RNPC3: variants seen among roughly 807,000 people sequenced by gnomAD.
RNPC3 encodes the protein RNA-binding region-containing protein 3.
RNPC3 carries 48 observed loss-of-function variants against 67.5 expected under a neutral mutation model. That is an observed-to-expected ratio of 0.71 (90% CI 0.56 to 0.90). The LOEUF (loss-of-function observed/expected upper bound fraction) is 0.90. Ranked by LOEUF, RNPC3 falls within the 40% of genes least tolerant of loss-of-function variation. RNPC3 has a pLI of 0.00. For missense variants in RNPC3, 637 were observed against 626.1 expected (o/e 1.02, Z -0.19); for synonymous variants, 239 against 210.3 (o/e 1.14, Z -1.18).
At chr1:103,532,441 T>C (rs190810050) in intron 2 of RNPC3, among the ~76,000 whole-genome samples, 6 of 152,232 alleles carry the variant, frequency 3.9e-5, no homozygotes, top group Admixed American at 3.9e-4. Flanking sequence ...GTTAGATATC[T>C]ATGGGGCGCT....
chr1:103,528,860 A>G (rs1471417239), intron 2 of RNPC3, among the ~76,000 whole-genome samples: 1 of 152,198 alleles, frequency 6.6e-6, no homozygotes, highest in African/African-American at 2.4e-5. Flanking sequence ...TTTTAAGAAG[A>G]TGAAATCCTG....
At chr1:103,542,892 G>T (rs954194442) in intron 8 of RNPC3, among the ~76,000 whole-genome samples, 1 of 151,528 alleles carries the variant, frequency 6.6e-6, no homozygotes, top group African/African-American at 2.4e-5. Flanking sequence ...TGGTTTTAAT[G>T]TGACTATTGA....
intron 12 of RNPC3, among the ~76,000 whole-genome samples, chr1:103,547,833 G>A (rs1401028771): frequency 6.6e-6 from 1 of 152,142 alleles, no homozygotes; most frequent in Non-Finnish European, 1.5e-5. Flanking sequence ...GAGGTTAAAT[G>A]GAAAACTCAC....
At chr1:103,547,597 C>G (rs1651278590) in intron 12 of RNPC3, among the ~76,000 whole-genome samples, 1 of 152,188 alleles carries the variant, frequency 6.6e-6, no homozygotes, top group African/African-American at 2.4e-5. Context: ...GAAAACCATT[C>G]TTTCAATGCA....
intron 9 of RNPC3, among the ~76,000 whole-genome samples, chr1:103,544,074 T>A (rs1013842966): frequency 1.3e-5 from 2 of 151,736 alleles, no homozygotes; most frequent in Non-Finnish European, 3.0e-5. Flanking sequence ...AGTAAAATTG[T>A]TAAAAAGTTA....
chr1:103,533,254 G>A (rs1407863892), intron 2 of RNPC3, among the ~76,000 whole-genome samples: 1 of 152,020 alleles, frequency 6.6e-6, no homozygotes, highest in South Asian at 2.1e-4. Flanking sequence ...CATCAATTCT[G>A]TTGTCTCAAA....
intron 3 of RNPC3, among the ~76,000 whole-genome samples, chr1:103,534,123 G>T (rs918589163): frequency 6.6e-6 from 1 of 151,968 alleles, no homozygotes; most frequent in Admixed American, 6.6e-5. Flanking sequence ...AACTTTCAAT[G>T]GAGGGAAAAT....
chr1:103,529,268 GA>G (rs981637961), intron 2 of RNPC3, among the ~76,000 whole-genome samples: 1 of 151,538 alleles, frequency 6.6e-6, no homozygotes, highest in Non-Finnish European at 1.5e-5. Context: ...TTTTTTTTCA[GA>G]AAAAAAGTAT....
intron 12 of RNPC3, among the ~76,000 whole-genome samples, chr1:103,549,733 C>G (rs1462730586): frequency 1.3e-5 from 2 of 152,142 alleles, no homozygotes; most frequent in Non-Finnish European, 2.9e-5. Context: ...GTTTGTGTTT[C>G]TGACTTTAGA....
chr1:103,545,221 C>G lies in RNPC3; in HGVS notation c.1207+119C>G, dbSNP rs1651215283. 4.6e-5 allele frequency: 34 copies of G among 739,394 alleles called. 2 individuals carry two copies. The South Asian group carries it at 6.5e-4, about 14-fold the overall frequency. 45.8% of individuals were successfully genotyped at this position (739,394 alleles called of 1,614,324 possible). Reference sequence around the variant, plus strand: ...TTAAGGCACATACTTTAAAACATCTCTCCAATTAATGTTTGTAATCACTTC... The same window carrying G: ...TTAAGGCACATACTTTAAAACATCTGTCCAATTAATGTTTGTAATCACTTC... On this transcript the variant is annotated intron_variant, in intron 10 of 14. Coordinates refer to ENST00000423855, the MANE Select transcript of RNPC3 (RefSeq NM_017619.4).
chr1:103,554,004 T>C (rs1651466836), intron 14 of RNPC3: 1 of 152,186 alleles, frequency 6.6e-6, no homozygotes, highest in South Asian at 2.1e-4. Flanking sequence ...ATGACCGTAA[T>C]CACCAAGAAC....
At chr1:103,530,155 T>C (rs1460454054) in intron 2 of RNPC3, among the ~76,000 whole-genome samples, 1 of 150,604 alleles carries the variant, frequency 6.6e-6, no homozygotes, top group Non-Finnish European at 1.5e-5. Context: ...AAGTACCTAC[T>C]ATGTGCTAGA....
chr1:103,539,022 G>A (rs1239995293), intron 7 of RNPC3, among the ~76,000 whole-genome samples: 1 of 152,148 alleles, frequency 6.6e-6, no homozygotes, highest in Non-Finnish European at 1.5e-5. Flanking sequence ...TTCTACCCTT[G>A]TAGTAGGAAA....
intron 12 of RNPC3, among the ~76,000 whole-genome samples, chr1:103,550,157 C>CT (rs1651351332): frequency 6.6e-6 from 1 of 151,846 alleles, no homozygotes; most frequent in Non-Finnish European, 1.5e-5. Context: ...AAGCAGGACT[C>CT]TGTCTCAAAA....
chr1:103,544,951 T>C lies in RNPC3; in HGVS notation c.1056T>C (p.Ala352=). 6.6e-7 allele frequency: 1 copy of C among 1,525,110 alleles called. No homozygotes were observed. The highest frequency in any genetic ancestry group is 8.8e-7 in the Non-Finnish European group (1 of 1,140,822). The allele number at this position is 1,525,110 out of a possible 1,614,324, so 94.5% of individuals were successfully genotyped here. Reference sequence around the variant, plus strand: ...ATATTGAACTCTTAGATTTACCTGCTACTGAAGTTGATGCATCCAATATAG... The same window carrying C: ...ATATTGAACTCTTAGATTTACCTGCCACTGAAGTTGATGCATCCAATATAG... ...NCEEKNHDLP[A]TEVDASNIGF... The change falls in exon 10 of 15, where the codon GCT becomes GCC. Residue 352 remains alanine (A), a synonymous_variant. Coordinates refer to ENST00000423855, the MANE Select transcript of RNPC3 (RefSeq NM_017619.4).
intron 11 of RNPC3, chr1:103,546,747 C>T (rs1219974955): frequency 4.9e-6 from 2 of 405,450 alleles, no homozygotes; most frequent in East Asian, 3.9e-5. Context: ...CGAACTTTCA[C>T]CTTCCTTGGC....
chr1:103,531,648 G>A (rs1347430590), intron 2 of RNPC3, among the ~76,000 whole-genome samples: 3 of 151,990 alleles, frequency 2.0e-5, no homozygotes, highest in African/African-American at 7.2e-5. Flanking sequence ...ATCTTATTTT[G>A]AGAATTGTCT....
At chr1:103,545,189 C>A in intron 10 of RNPC3, 87 bp downstream of exon 10, 1 of 1,110,190 alleles carries the variant, frequency 9.0e-7, no homozygotes, top group Non-Finnish European at 1.3e-6. Context: ...ATGCCATTTA[C>A]CTTAATTTAA....
chr1:103,525,826 A>G lies in RNPC3; in HGVS notation c.-245A>G. 1 of 438,356 alleles carries G rather than the reference A, an allele frequency of 2.3e-6. No homozygotes were observed. The highest frequency in any genetic ancestry group is 4.1e-6 in the Non-Finnish European group (1 of 244,662). 27.2% of individuals were successfully genotyped at this position (438,356 alleles called of 1,614,324 possible). On this transcript the variant is annotated 5_prime_UTR_variant, in exon 1 of 15. Transcript: ENST00000423855. ...CATCTCTGGGCCAATTTTTGCTTGT[A>G]AGTCTTTCCGGAGACCCCTGGAATT...
Sources: allele counts gnomAD v4.1 joint callset (sites outside exome capture counted in the v4.1 genomes callset), GRCh38; gene constraint gnomAD v4.1.1; transcripts MANE v1.5; gene names NCBI Gene and HGNC (gene_info 2026-07-23, HGNC 2026-07-21).